The following CNGB1 variants were observed in gnomAD, a reference collection of about 807,000 sequenced individuals.
CNGB1 encodes the protein cyclic nucleotide-gated channel beta-1.
In CNGB1, 126 loss-of-function variants were observed where a neutral mutation model predicts 151.7. The ratio of observed to expected loss-of-function variants is 0.83; its 90% CI spans 0.72 to 0.96. CNGB1 has a LOEUF of 0.96. Among genes scored for constraint, CNGB1 ranks in the 40% least tolerant of loss-of-function variants. The pLI, the probability that CNGB1 is intolerant of heterozygous loss-of-function variation, is 0.00. For synonymous variants in CNGB1, 623 were observed against 635.1 expected (o/e 0.98, Z 0.29); for missense variants, 1,698 against 1,627.0 (o/e 1.04, Z -0.75).
At chr16:57,892,267 A>T (rs8046202) in intron 31 of CNGB1, among the ~76,000 whole-genome samples, 1 of 151,748 alleles carries the variant, frequency 6.6e-6, no homozygotes, top group Admixed American at 6.6e-5. Flanking sequence ...TTGGCGTTGC[A>T]AGTCCATTTC....
In CNGB1 at chr16:57,904,750, G is replaced by C; in HGVS notation, c.2618C>G (p.Ser873Cys). 6.2e-7 allele frequency: 1 copy of C among 1,614,204 alleles called. No individual in the cohort carries two copies. Among genetic ancestry groups the C allele is most frequent in the Non-Finnish European group, 8.5e-7 (1 of 1,180,046 alleles). Residue 873 changes from serine (S) to cysteine (C), a missense_variant, in exon 26 of 33, where the codon TCT becomes TGT. By Grantham distance (112) the Ser-to-Cys change is moderately radical. Coordinates refer to ENST00000251102, the MANE Select transcript of CNGB1 (RefSeq NM_001297.5). ...CCCCGATACCTGTCCGATCATCACA[G>C]AGAAAGCAAAGACGCCCGTGAAATA... ...LNYFTGVFAFSVMIGQMRDVV... is the reference protein window; with the variant it reads ...LNYFTGVFAFCVMIGQMRDVV...
intron 31 of CNGB1, 25 bp downstream of exon 31, chr16:57,897,372 A>C: frequency 1.2e-6 from 2 of 1,611,942 alleles, no homozygotes; most frequent in Non-Finnish European, 1.7e-6. Context: ...GCAATTTTTT[A>C]TTAAACGAAA....
intron 32 of CNGB1, 98 bp from the exon 33 acceptor site, chr16:57,884,555 A>G (rs1157189098): frequency 1.5e-6 from 2 of 1,364,028 alleles, no homozygotes; most frequent in African/African-American, 2.9e-5. Flanking sequence ...TGGACCCCCA[A>G]AGAGGGCAGC....
At chr16:57,949,084 G>A in intron 14 of CNGB1, among the ~76,000 whole-genome samples, 1 of 151,730 alleles carries the variant, frequency 6.6e-6, no homozygotes, top group African/African-American at 2.4e-5. Flanking sequence ...GGCAGTGAAA[G>A]CAACAGATAA....
At chr16:57,954,097 C>A (rs1483276184) in intron 12 of CNGB1, among the ~76,000 whole-genome samples, 1 of 152,154 alleles carries the variant, frequency 6.6e-6, no homozygotes, top group Non-Finnish European at 1.5e-5. Flanking sequence ...CTCCCCATTG[C>A]CTACAGCTTA....
chr16:57,933,314 T>C (rs247052), intron 16 of CNGB1, among the ~76,000 whole-genome samples: 117,412 of 152,204 alleles, frequency 0.77, 46,196 homozygotes, highest in African/African-American at 0.94. Flanking sequence ...GTGTGCTACT[T>C]CCTATTTGGA....
At chr16:57,965,437 C>T (rs1297664973) in intron 2 of CNGB1, among the ~76,000 whole-genome samples, 1 of 152,176 alleles carries the variant, frequency 6.6e-6, no homozygotes, top group Admixed American at 6.5e-5. Flanking sequence ...ACAACATGCA[C>T]ATATGCATAG....
intron 14 of CNGB1, 60 bp downstream of exon 14, chr16:57,949,293 C>T: frequency 6.2e-7 from 1 of 1,600,818 alleles, no homozygotes; most frequent in Non-Finnish European, 8.5e-7. Context: ...GCCCAGACCC[C>T]AGGAGCTCAG....
intron 16 of CNGB1, among the ~76,000 whole-genome samples, chr16:57,936,305 C>T (rs772061019): frequency 1.3e-5 from 2 of 152,176 alleles, no homozygotes; most frequent in Non-Finnish European, 2.9e-5. Context: ...TGGGTTCTGT[C>T]TGCAATCAGC....
intron 16 of CNGB1, among the ~76,000 whole-genome samples, chr16:57,932,473 G>C (rs1961381671): frequency 6.8e-6 from 1 of 147,982 alleles, no homozygotes; most frequent in Non-Finnish European, 1.5e-5. Flanking sequence ...TGCAATCTCA[G>C]TTCACCCCAA....
intron 26 of CNGB1, 151 bp downstream of exon 26, chr16:57,904,583 G>C: frequency 1.9e-6 from 2 of 1,056,638 alleles, no homozygotes; most frequent in Non-Finnish European, 2.9e-6. Flanking sequence ...CACCGCGCAG[G>C]GACCAGTGCT....
intron 29 of CNGB1, among the ~76,000 whole-genome samples, chr16:57,899,113 C>T (rs1394724416): frequency 5.3e-5 from 8 of 152,154 alleles, no homozygotes; most frequent in African/African-American, 1.9e-4. Context: ...TGGAGTTGCA[C>T]AGTGTCCCGC....
intron 29 of CNGB1, among the ~76,000 whole-genome samples, chr16:57,900,851 A>T (rs1437982546): frequency 6.6e-6 from 1 of 151,664 alleles, no homozygotes; most frequent in African/African-American, 2.4e-5. Context: ...AACATTTTTT[A>T]AAAATTAGAA....
chr16:57,920,914 T>C (rs1370528478), intron 18 of CNGB1, among the ~76,000 whole-genome samples: 1 of 152,194 alleles, frequency 6.6e-6, no homozygotes, highest in African/African-American at 2.4e-5. Context: ...ACATGAGATA[T>C]GTGTCCAGGG....
Position 57,923,343 on chromosome 16 carries a change from G to A in CNGB1, c.1573C>T (p.Leu525Phe). 6.2e-7 allele frequency: 1 copy of A among 1,613,568 alleles called. No individual in the cohort carries two copies. Among genetic ancestry groups the A allele is most frequent in the Non-Finnish European group, 8.5e-7 (1 of 1,179,830 alleles). Residue 525 changes from leucine to phenylalanine, a missense_variant, in exon 18 of 33, where the codon CTC (leucine) becomes TTC (phenylalanine). Physicochemically the swap from Leu to Phe is conservative, Grantham distance 22 (BLOSUM62 0). Coordinates refer to ENST00000251102, the MANE Select transcript of CNGB1 (RefSeq NM_001297.5). ...GACTCTGCTGGTGACAACGCCTTGA[G>A]CTCTTCAGCCTCATCATCCTCAGAG... ...LPSEDDEAEELKALSPAESPV... is the reference protein window; with the variant it reads ...LPSEDDEAEEFKALSPAESPV...
At chr16:57,944,471 C>T (rs1273694623) in intron 14 of CNGB1, among the ~76,000 whole-genome samples, 2 of 152,080 alleles carry the variant, frequency 1.3e-5, no homozygotes, top group African/African-American at 4.8e-5. Context: ...ATTATACAGC[C>T]TGTGACTCTA....
chr16:57,966,913 A>G (rs1597018219), intron 2 of CNGB1, among the ~76,000 whole-genome samples: 1 of 152,232 alleles, frequency 6.6e-6, no homozygotes, highest in East Asian at 1.9e-4. Flanking sequence ...TTTACTATCT[A>G]TCCTTTTACA....
intron 12 of CNGB1, chr16:57,954,712 A>G (rs1962039874): frequency 1.0e-6 from 1 of 986,248 alleles, no homozygotes; most frequent in African/African-American, 1.7e-5. Context: ...ATGTTAATGA[A>G]AACATTTGTT....
At chr16:57,951,732 C>T (rs1282080346) in intron 12 of CNGB1, among the ~76,000 whole-genome samples, 1 of 152,206 alleles carries the variant, frequency 6.6e-6, no homozygotes, top group Non-Finnish European at 1.5e-5. Context: ...TTTGCATCCC[C>T]ATTTTATTTT....
Sources: gnomAD v4.1 joint callset for allele counts (sites outside exome capture counted in the v4.1 genomes callset) on GRCh38, gnomAD v4.1.1 for gene constraint, MANE v1.5 for transcripts, NCBI Gene and HGNC (gene_info 2026-07-23, HGNC 2026-07-21) for gene names.